The following DPH6 variants were observed in gnomAD, a reference collection of about 807,000 sequenced individuals.
DPH6 encodes the protein diphthamine biosynthesis 6.
In DPH6, 33 loss-of-function variants were observed where a neutral mutation model predicts 38.2. That is an observed-to-expected ratio of 0.86 (90% CI 0.65 to 1.15). The LOEUF is 1.15. Among genes scored for constraint, DPH6 ranks in the 50% most tolerant of loss-of-function variants. The pLI is 0.00. For synonymous variants in DPH6, 108 were observed against 103.0 expected (o/e 1.05, Z -0.30); for missense variants, 325 against 320.0 (o/e 1.02, Z -0.12).
chr15:35,544,992 A>C (rs544685688), intron 1 of DPH6, among the ~76,000 whole-genome samples: 1 of 152,248 alleles, frequency 6.6e-6, no homozygotes. Flanking sequence ...TTATTGTGAC[A>C]TTATGGTCTA....
At chr15:35,522,402 C>T in intron 3 of DPH6, 2 of 881,528 alleles carry the variant, frequency 2.3e-6, no homozygotes, top group East Asian at 2.8e-5. Context: ...AGTATTAATA[C>T]AACAGGACTG....
At chr15:35,463,084 A>G (rs904280073) in intron 3 of DPH6, among the ~76,000 whole-genome samples, 3 of 152,194 alleles carry the variant, frequency 2.0e-5, no homozygotes, top group African/African-American at 4.8e-5. Flanking sequence ...ACCTCTTAAA[A>G]AACAAAGAAA....
At chr15:35,347,862 T>A (rs2052475849) in intron 3 of DPH6, among the ~76,000 whole-genome samples, 1 of 152,144 alleles carries the variant, frequency 6.6e-6, no homozygotes, top group Non-Finnish European at 1.5e-5. Context: ...TATGAGGTAA[T>A]ATCATTGTTG....
intron 3 of DPH6, among the ~76,000 whole-genome samples, chr15:35,480,760 T>C (rs556720932): frequency 6.6e-6 from 1 of 152,174 alleles, no homozygotes; most frequent in East Asian, 1.9e-4. Flanking sequence ...AGAAAAGAAT[T>C]AAGAATTTAT....
At position 35,356,937 on chromosome 15, in the gene DPH6, C is replaced by T. The variant is rs547880070; in HGVS notation, n.207+16584G>A. Among the ~76,000 whole-genome samples, 9 of 152,300 alleles carry T rather than the reference C, an allele frequency of 5.9e-5. No homozygotes were observed. In the East Asian group the frequency reaches 1.6e-3, roughly 26 times the overall value. The stretch of plus-strand genomic sequence containing the variant: ...GAGCTGCAGTGGGCTCCACTCAGTT[C>T]GAGCTTCCTGGCCACTTTGTTTACC... On this transcript the variant is annotated intron_variant and non_coding_transcript_variant, in intron 3 of 3. Coordinates refer to the DPH6 transcript ENST00000558973.
intron 3 of DPH6, chr15:35,365,840 A>G: frequency 3.0e-6 from 3 of 985,254 alleles, no homozygotes; most frequent in Non-Finnish European, 3.6e-6. Flanking sequence ...ATTTATAGCA[A>G]CAGTGACCCA....
At chr15:35,243,494 A>G in intron 3 of DPH6, among the ~76,000 whole-genome samples, 1 of 144,248 alleles carries the variant, frequency 6.9e-6, no homozygotes, top group African/African-American at 2.5e-5. Flanking sequence ...AAGAATCACA[A>G]AAGAAGTGAA....
At chr15:35,283,759 C>T (rs1197645320) in intron 3 of DPH6, among the ~76,000 whole-genome samples, 10 of 106,234 alleles carry the variant, frequency 9.4e-5, no homozygotes, top group Admixed American at 9.2e-4. Flanking sequence ...ACAGATAGTA[C>T]ACACACACAC....
At chr15:35,220,752 C>T (rs1004045458) in intron 3 of DPH6, among the ~76,000 whole-genome samples, 2 of 152,078 alleles carry the variant, frequency 1.3e-5, no homozygotes, top group Admixed American at 6.5e-5. Context: ...TTCAACATGA[C>T]TCTGGAAAGG....
At position 35,470,220 on chromosome 15, in the gene DPH6, T is replaced by C. The variant is rs80117429; in HGVS notation, c.313-15400A>G. On this transcript the variant is annotated intron_variant, in intron 3 of 8. Coordinates refer to ENST00000256538, the MANE Select transcript of DPH6 (RefSeq NM_080650.4). Reference sequence around the variant, plus strand: ...TCTCAAAAAAGACTAAATAGGTAAATAAATGACAAACAAATAAATAAAAAC... The same window carrying C: ...TCTCAAAAAAGACTAAATAGGTAAACAAATGACAAACAAATAAATAAAAAC... 1.3e-3 allele frequency among the ~76,000 whole-genome samples: 203 copies of C among 151,662 alleles called. 8 individuals are homozygous for C. In the East Asian group the frequency reaches 0.037, roughly 27 times the overall value.
rs140185173 is a variant in DPH6 at position 35,237,815 on chromosome 15, G to A, written n.201-17233C>T. On this transcript the variant is annotated intron_variant and non_coding_transcript_variant, in intron 3 of 3. Coordinates refer to the DPH6 transcript ENST00000560386. ...CCCTAACTTGGATGCTGAGGGCTAC[G>A]TGGAGGGCCTGGAGGAGGAGGAGGA... 1.4e-4 allele frequency: 223 copies of A among 1,577,084 alleles called. 1 individual carries two copies. The East Asian group carries it at 1.4e-3, about 10-fold the overall frequency.
chr15:35,236,871 TTACA>T (rs1447164671), intron 3 of DPH6, among the ~76,000 whole-genome samples: 7 of 152,186 alleles, frequency 4.6e-5, no homozygotes, highest in Non-Finnish European at 7.3e-5. Context: ...ACTGGGGCTC[TTACA>T]TACTGCTTTC....
chr15:35,272,989 C>G (rs894971534), intron 3 of DPH6, among the ~76,000 whole-genome samples: 9 of 151,966 alleles, frequency 5.9e-5, no homozygotes, highest in Admixed American at 3.9e-4. Flanking sequence ...TACCAGCCCC[C>G]CTTTGCCTTT....
At chr15:35,218,651 CTCT>C (rs1319627659) in exon 4 of DPH6, 1 of 152,148 alleles carries the variant, frequency 6.6e-6, no homozygotes, top group African/African-American at 2.4e-5. Flanking sequence ...TGATAATCCT[CTCT>C]TCTTTGGACT....
At chr15:35,287,139 A>C (rs1023943692) in intron 3 of DPH6, among the ~76,000 whole-genome samples, 12 of 152,210 alleles carry the variant, frequency 7.9e-5, no homozygotes, top group Non-Finnish European at 1.8e-4. Flanking sequence ...CAACTCAGTA[A>C]ACAGGCTTTG....
intron 3 of DPH6, among the ~76,000 whole-genome samples, chr15:35,517,929 CAAT>C (rs2054869412): frequency 6.6e-6 from 1 of 151,898 alleles, no homozygotes. Context: ...GTAATTAAAA[CAAT>C]GTTTTACTTT....
chr15:35,399,817 T>C (rs961466412), intron 6 of DPH6, among the ~76,000 whole-genome samples: 3 of 152,188 alleles, frequency 2.0e-5, no homozygotes, highest in African/African-American at 7.2e-5. Context: ...TGAGGAAAGA[T>C]TGAAGACATT....
intron 3 of DPH6, among the ~76,000 whole-genome samples, chr15:35,479,374 A>C (rs188170787): frequency 6.6e-6 from 1 of 152,064 alleles, no homozygotes; most frequent in Non-Finnish European, 1.5e-5. Context: ...TGTATTGTAG[A>C]CCCTCTGAAA....
Position 35,496,567 on chromosome 15 carries a change from A to AAAAAAAAAAAAAAAAAAAATAT in DPH6, c.312+41706_312+41707insATATTTTTTTTTTTTTTTTTTT. Among the ~76,000 whole-genome samples the AAAAAAAAAAAAAAAAAAAATAT allele has an allele frequency of 2.4e-3, 75 of 30,968 alleles. 2 individuals carry two copies. The highest frequency in any genetic ancestry group is 0.01 in the African/African-American group (74 of 7,252). 20.3% of individuals were successfully genotyped at this position (30,968 alleles called of 152,430 possible). A position where few individuals can be genotyped will look rare whatever the true frequency, so the allele number is the denominator to read the frequency against. ...GAAAGTTCCATCTCAAAAAAAAAAA[A>AAAAAAAAAAAAAAAAAAAATAT]ATATATATATATATATATATATATC... On this transcript the variant is annotated intron_variant, in intron 3 of 8. Transcript: ENST00000256538.
Sources: allele counts gnomAD v4.1 joint callset (sites outside exome capture counted in the v4.1 genomes callset), GRCh38; gene constraint gnomAD v4.1.1; transcripts MANE v1.5; gene names NCBI Gene and HGNC (gene_info 2026-07-23, HGNC 2026-07-21).